The following STK33 variants were observed in gnomAD, a reference collection of about 807,000 sequenced individuals.
STK33 encodes the protein serine/threonine kinase 33.
STK33 carries 52 observed loss-of-function variants against 58.0 expected under a neutral mutation model. That is an observed-to-expected ratio of 0.90 (90% CI 0.72 to 1.13). The LOEUF is 1.13. Ranked by LOEUF, STK33 falls within the 50% of genes most tolerant of loss-of-function variation. The pLI is 0.00. For missense variants in STK33, 630 were observed against 604.2 expected (o/e 1.04, Z -0.45); for synonymous variants, 215 against 200.1 (o/e 1.07, Z -0.63).
At chr11:8,432,507 T>C (rs1435321644) in intron 14 of STK33, among the ~76,000 whole-genome samples, 2 of 152,232 alleles carry the variant, frequency 1.3e-5, no homozygotes, top group South Asian at 2.1e-4. Context: ...TGACAATATG[T>C]ATGTGTTTAT....
At chr11:8,398,700 C>T (rs1849817308) in intron 15 of STK33, among the ~76,000 whole-genome samples, 1 of 151,964 alleles carries the variant, frequency 6.6e-6, no homozygotes, top group South Asian at 2.1e-4. Context: ...CATCAGTGTG[C>T]TGTATTCAGG....
At chr11:8,418,565 T>C (rs1941459646) in intron 14 of STK33, among the ~76,000 whole-genome samples, 1 of 152,190 alleles carries the variant, frequency 6.6e-6, no homozygotes, top group Non-Finnish European at 1.5e-5. Context: ...CATATGTGTT[T>C]ATGGCAGACT....
intron 14 of STK33, among the ~76,000 whole-genome samples, chr11:8,433,255 G>GA (rs35444139): frequency 2.6e-5 from 4 of 150,998 alleles, no homozygotes; most frequent in Non-Finnish European, 4.4e-5. Flanking sequence ...AGCCCTTAAA[G>GA]AAAAAAAAAG....
At chr11:8,400,316 T>A (rs1245797658) in intron 15 of STK33, among the ~76,000 whole-genome samples, 30 of 152,336 alleles carry the variant, frequency 2.0e-4, no homozygotes, top group African/African-American at 6.5e-4. Flanking sequence ...TGGTTCAACA[T>A]ACGCAAATCA....
intron 15 of STK33, among the ~76,000 whole-genome samples, chr11:8,395,461 A>G (rs1388433309): frequency 1.3e-5 from 2 of 152,184 alleles, no homozygotes; most frequent in South Asian, 2.1e-4. Context: ...TTCTTTATAA[A>G]TTACCCAGTA....
intron 1 of STK33, among the ~76,000 whole-genome samples, chr11:8,537,082 G>A (rs1955090887): frequency 8.0e-6 from 1 of 125,460 alleles, no homozygotes; most frequent in African/African-American, 3.0e-5. Context: ...CTGGGTTCAA[G>A]TGATTCTCCA....
At chr11:8,517,453 C>T (rs905355727) in intron 1 of STK33, among the ~76,000 whole-genome samples, 2 of 152,280 alleles carry the variant, frequency 1.3e-5, no homozygotes, top group Admixed American at 6.5e-5. Context: ...TGCAGCTCCT[C>T]GCCAGCAACG....
chr11:8,582,634 T>C (rs1273203820), intron 1 of STK33, among the ~76,000 whole-genome samples: 1 of 152,156 alleles, frequency 6.6e-6, no homozygotes, highest in Non-Finnish European at 1.5e-5. Flanking sequence ...ACGTGGGGAT[T>C]ATGGGGATTA....
At chr11:8,464,616 G>C in intron 7 of STK33, 93 bp downstream of exon 7, 2 of 814,358 alleles carry the variant, frequency 2.5e-6, no homozygotes, top group Non-Finnish European at 4.0e-6. Context: ...CTCAGGGTGA[G>C]AGGCAGCTTG....
In STK33 at chr11:8,454,768, G is replaced by A. The variant is rs1344173540; in HGVS notation, c.762C>T (p.Asn254=). 1.3e-6 allele frequency: 2 copies of A among 1,577,220 alleles called. No individual in the cohort carries two copies. Among genetic ancestry groups the A allele is most frequent in the Non-Finnish European group, 1.7e-6 (2 of 1,159,070 alleles). The stretch of plus-strand genomic sequence containing the variant: ...CCTTTATGTTTAAGTTTATTTCATT[G>A]TTATCATCAATAAGACTGCTTTTAA... ...IMVKSSLIDD[N]NEINLNIKVT... The change falls in exon 10 of 16, where the codon AAC becomes AAT. Residue 254 remains asparagine (N), a synonymous_variant. Coordinates refer to ENST00000687296, the MANE Select transcript of STK33 (RefSeq NM_001352389.2).
At chr11:8,425,031 T>G (rs1260996781) in intron 14 of STK33, among the ~76,000 whole-genome samples, 1 of 144,392 alleles carries the variant, frequency 6.9e-6, no homozygotes, top group African/African-American at 2.6e-5. Flanking sequence ...TGCCATTGCT[T>G]TTGGTGTTTT....
At chr11:8,498,049 G>C (rs75127265) in intron 1 of STK33, among the ~76,000 whole-genome samples, 2,217 of 152,004 alleles carry the variant, frequency 0.015, 48 homozygotes, top group African/African-American at 0.05. Context: ...ATACAAGGTA[G>C]GTTCAACAAA....
intron 1 of STK33, among the ~76,000 whole-genome samples, chr11:8,524,610 T>C (rs1417391067): frequency 6.6e-6 from 1 of 152,086 alleles, no homozygotes; most frequent in Non-Finnish European, 1.5e-5. Context: ...TGGTTTGAGT[T>C]TTTATTCAGA....
chr11:8,443,406 C>T (rs528469220), intron 11 of STK33, among the ~76,000 whole-genome samples: 8 of 152,206 alleles, frequency 5.3e-5, no homozygotes, highest in African/African-American at 1.9e-4. Context: ...ATGCAATCAC[C>T]TACCACAATA....
At chr11:8,425,464 T>G (rs1334853819) in intron 14 of STK33, among the ~76,000 whole-genome samples, 1 of 152,200 alleles carries the variant, frequency 6.6e-6, no homozygotes, top group Non-Finnish European at 1.5e-5. Flanking sequence ...GACTTGGCAA[T>G]GTGGGCTGTT....
the STK33 span, among the ~76,000 whole-genome samples, chr11:8,374,718 G>A: frequency 6.6e-6 from 1 of 152,208 alleles, no homozygotes; most frequent in Non-Finnish European, 1.5e-5. Flanking sequence ...ATAATTTGGA[G>A]GAGGGGACAC....
In STK33 at chr11:8,408,017, A is replaced by G. The variant is rs562036729; in HGVS notation, c.1344+5478T>C. Among the ~76,000 whole-genome samples the G allele has an allele frequency of 2.7e-4, 41 of 152,346 alleles. No homozygotes were observed. The South Asian group carries it at 8.1e-3, about 30-fold the overall frequency. The stretch of plus-strand genomic sequence containing the variant: ...GATAGTTCATCAGAAAAAATGATCA[A>G]AAGTTAAGAAAAAAGGAAAGAAGAG... On this transcript the variant is annotated intron_variant, in intron 15 of 15. Transcript: ENST00000687296.
intron 1 of STK33, among the ~76,000 whole-genome samples, chr11:8,550,444 C>T (rs1041693050): frequency 7.9e-5 from 12 of 152,118 alleles, no homozygotes; most frequent in African/African-American, 2.4e-4. Flanking sequence ...CACACTCAAC[C>T]GGGATTTTCT....
chr11:8,347,105 C>G, the STK33 span, among the ~76,000 whole-genome samples: 2 of 152,194 alleles, frequency 1.3e-5, no homozygotes, highest in Non-Finnish European at 2.9e-5. Context: ...CATGAATACT[C>G]AGTCTTTCAA....
Sources: allele counts gnomAD v4.1 joint callset (sites outside exome capture counted in the v4.1 genomes callset), GRCh38; gene constraint gnomAD v4.1.1; transcripts MANE v1.5; gene names NCBI Gene and HGNC (gene_info 2026-07-23, HGNC 2026-07-21).